Variants in VAV3 observed in about 807,000 individuals in gnomAD.
VAV3 encodes the protein vav guanine nucleotide exchange factor 3.
A neutral mutation model predicts 131.2 loss-of-function variants in VAV3; 94 were observed. The ratio of observed to expected loss-of-function variants is 0.72; its 90% CI spans 0.61 to 0.85. The LOEUF is 0.85. Among genes scored for constraint, VAV3 ranks in the 40% least tolerant of loss-of-function variants. VAV3 has a pLI of 0.00. For missense variants in VAV3, 939 were observed against 1,002.7 expected, an observed-to-expected ratio of 0.94 and a Z score of 0.86; for synonymous variants, 349 against 342.0, an observed-to-expected ratio of 1.02 and a Z score of -0.22.
intron 25 of VAV3, among the ~76,000 whole-genome samples, chr1:107,584,999 G>A (rs1240978205): frequency 6.6e-6 from 1 of 152,148 alleles, no homozygotes; most frequent in Non-Finnish European, 1.5e-5. Context: ...GACATCACAG[G>A]AGCTTAGAAA....
intron 1 of VAV3, among the ~76,000 whole-genome samples, chr1:107,876,925 AT>A (rs1670529774): frequency 7.2e-6 from 1 of 139,522 alleles, no homozygotes; most frequent in African/African-American, 2.6e-5. Context: ...GTCTTAATTC[AT>A]TGTTTTGTTT....
intron 25 of VAV3, among the ~76,000 whole-genome samples, chr1:107,592,496 A>G (rs1215734415): frequency 1.3e-5 from 2 of 152,230 alleles, no homozygotes; most frequent in East Asian, 1.9e-4. Flanking sequence ...TAAAAAAATT[A>G]CCCAACTCTA....
intron 2 of VAV3, among the ~76,000 whole-genome samples, chr1:107,799,376 A>G (rs1433683425): frequency 6.6e-6 from 1 of 152,068 alleles, no homozygotes; most frequent in Non-Finnish European, 1.5e-5. Context: ...AAGTAACAAA[A>G]ACATAACTTA....
rs1663579960 is a variant in VAV3 at position 107,749,593 on chromosome 1, G to A, written c.1261C>T (p.His421Tyr). 27 of 1,608,144 alleles carry A rather than the reference G, an allele frequency of 1.7e-5. No individual in the cohort carries two copies. Among genetic ancestry groups the A allele is most frequent in the Non-Finnish European group, 2.2e-5 (26 of 1,178,540 alleles). ...ACTGCCAAATCAAATAAGAAGATAT[G>A]CCTGGGAAAAAGAGATTGATTGATT... The part of the protein sequence containing the change: ...TLDKHTKQER[H>Y]IFLFDLAVIV... The change falls in exon 14 of 27, where the codon CAT (histidine) becomes TAT (tyrosine). Residue 421 changes from histidine (H) to tyrosine (Y), a missense_variant and splice_region_variant. Physicochemically the swap from His to Tyr is moderately conservative, Grantham distance 83 (BLOSUM62 2). Coordinates refer to ENST00000370056, the MANE Select transcript of VAV3 (RefSeq NM_006113.5).
chr1:107,710,731 G>T (rs1660737066), intron 15 of VAV3, among the ~76,000 whole-genome samples: 1 of 151,928 alleles, frequency 6.6e-6, no homozygotes, highest in Admixed American at 6.6e-5. Context: ...AAAATAATAT[G>T]GATAGTTTAT....
chr1:107,621,816 A>G (rs982102671), intron 20 of VAV3, among the ~76,000 whole-genome samples: 1 of 152,080 alleles, frequency 6.6e-6, no homozygotes, highest in Non-Finnish European at 1.5e-5. Flanking sequence ...TTCCTCTCTC[A>G]TACTTAGGTG....
chr1:107,734,827 G>C (rs1336966872), intron 15 of VAV3, among the ~76,000 whole-genome samples: 2 of 152,096 alleles, frequency 1.3e-5, no homozygotes, highest in African/African-American at 2.4e-5. Flanking sequence ...GGATATCCAG[G>C]ACTTGAACTC....
chr1:107,630,511 G>C (rs1318552223), intron 20 of VAV3, among the ~76,000 whole-genome samples: 1 of 152,148 alleles, frequency 6.6e-6, no homozygotes, highest in Non-Finnish European at 1.5e-5. Flanking sequence ...TCTATTTAAA[G>C]TCACACTGGT....
At chr1:107,675,298 A>G (rs1360181289) in intron 19 of VAV3, among the ~76,000 whole-genome samples, 1 of 152,224 alleles carries the variant, frequency 6.6e-6, no homozygotes, top group African/African-American at 2.4e-5. Flanking sequence ...AACTTGGTTG[A>G]TACTTCATTA....
intron 23 of VAV3, 62 bp downstream of exon 23, chr1:107,602,985 G>C (rs1651982935): frequency 7.4e-7 from 1 of 1,353,374 alleles, no homozygotes; most frequent in African/African-American, 1.4e-5. Flanking sequence ...ATACATGTCA[G>C]ATGGTCTATG....
intron 2 of VAV3, among the ~76,000 whole-genome samples, chr1:107,861,862 A>AG (rs1264384775): frequency 6.6e-6 from 1 of 151,648 alleles, no homozygotes; most frequent in East Asian, 1.9e-4. Flanking sequence ...CCTATACCTA[A>AG]GGTCACCAAG....
chr1:107,795,565 G>A (rs967739293), intron 2 of VAV3, among the ~76,000 whole-genome samples: 2 of 152,044 alleles, frequency 1.3e-5, no homozygotes, highest in African/African-American at 4.8e-5. Flanking sequence ...GTCAAAATAT[G>A]GCATATGTAA....
chr1:107,956,882 G>A (rs1270136899), intron 1 of VAV3, among the ~76,000 whole-genome samples: 1 of 151,976 alleles, frequency 6.6e-6, no homozygotes, highest in Non-Finnish European at 1.5e-5. Flanking sequence ...AAACAAGCAG[G>A]ACAAATCGAG....
At chr1:107,758,506 G>A (rs989431078) in intron 10 of VAV3, among the ~76,000 whole-genome samples, 4 of 152,070 alleles carry the variant, frequency 2.6e-5, no homozygotes, top group African/African-American at 9.7e-5. Flanking sequence ...CAACTGCAGT[G>A]AGCCATGACT....
intron 15 of VAV3, among the ~76,000 whole-genome samples, chr1:107,731,496 G>A (rs776418369): frequency 1.1e-4 from 17 of 152,124 alleles, no homozygotes; most frequent in Admixed American, 2.6e-4. Flanking sequence ...TCCAGGTAAG[G>A]AAGAGTTAGA....
At chr1:107,589,467 G>A (rs1167942693) in intron 25 of VAV3, among the ~76,000 whole-genome samples, 3 of 152,180 alleles carry the variant, frequency 2.0e-5, no homozygotes, top group Non-Finnish European at 2.9e-5. Flanking sequence ...TGGGAGAGGG[G>A]CATGGGAGGG....
At chr1:107,859,068 G>C (rs1345823642) in intron 2 of VAV3, among the ~76,000 whole-genome samples, 1 of 147,016 alleles carries the variant, frequency 6.8e-6, no homozygotes, top group Non-Finnish European at 1.5e-5. Context: ...AAAGATTCTT[G>C]AGGAGTTTTT....
At chr1:107,772,893 C>A in intron 4 of VAV3, 50 bp from the exon 5 acceptor site, 1 of 1,456,278 alleles carries the variant, frequency 6.9e-7, no homozygotes, top group Non-Finnish European at 9.5e-7. Context: ...GCAGTAAATG[C>A]AATAGCTACA....
At chr1:107,663,696 T>C (rs940402285) in intron 19 of VAV3, among the ~76,000 whole-genome samples, 2 of 152,188 alleles carry the variant, frequency 1.3e-5, no homozygotes, top group Non-Finnish European at 2.9e-5. Flanking sequence ...TGCCTTGACT[T>C]TCGGTACCAG....
Sources: gnomAD v4.1 joint callset for allele counts (sites outside exome capture counted in the v4.1 genomes callset) on GRCh38, gnomAD v4.1.1 for gene constraint, MANE v1.5 for transcripts, NCBI Gene and HGNC (gene_info 2026-07-23, HGNC 2026-07-21) for gene names.